Variants in DSCAM observed in about 807,000 individuals in gnomAD.
DSCAM encodes the protein cell adhesion molecule DSCAM.
A neutral mutation model predicts 217.7 loss-of-function variants in DSCAM; 47 were observed. The observed-to-expected ratio is 0.22, with a 90% confidence interval of 0.17 to 0.28. DSCAM has a LOEUF of 0.28. Among genes scored for constraint, DSCAM ranks in the 10% least tolerant of loss-of-function variants. DSCAM has a pLI of 1.00. For synonymous variants in DSCAM, 1,056 were observed against 1,015.3 expected, an observed-to-expected ratio of 1.04 and a Z score of -0.76; for missense variants, 2,080 against 2,618.3, an observed-to-expected ratio of 0.79 and a Z score of 4.49.
At chr21:40,163,131 A>T (rs532970253) in intron 16 of DSCAM, among the ~76,000 whole-genome samples, 1 of 151,528 alleles carries the variant, frequency 6.6e-6, no homozygotes, top group East Asian at 1.9e-4. Context: ...GTAGCTGGTA[A>T]TCACATTGTC....
At chr21:40,462,705 T>C (rs571759956) in intron 3 of DSCAM, among the ~76,000 whole-genome samples, 1 of 152,254 alleles carries the variant, frequency 6.6e-6, no homozygotes, top group South Asian at 2.1e-4. Context: ...ATACCTGGGT[T>C]CCATCCCTAG....
chr21:40,704,355 C>T (rs1469395752), intron 2 of DSCAM, among the ~76,000 whole-genome samples: 3 of 152,174 alleles, frequency 2.0e-5, no homozygotes, highest in Non-Finnish European at 4.4e-5. Context: ...CTTTTCATAG[C>T]TTGATAGCAC....
chr21:40,730,155 G>A (rs189949146), intron 1 of DSCAM, among the ~76,000 whole-genome samples: 93 of 152,200 alleles, frequency 6.1e-4, no homozygotes, highest in African/African-American at 2.2e-3. Context: ...AATGGGCTCC[G>A]AAGAGCCTCC....
intron 1 of DSCAM, among the ~76,000 whole-genome samples, chr21:40,840,966 T>C (rs1202947227): frequency 1.3e-5 from 2 of 152,194 alleles, no homozygotes; most frequent in East Asian, 3.9e-4. Flanking sequence ...CCATGTGCTC[T>C]GCTCTGTGCT....
chr21:40,540,779 T>C (rs931725857), intron 3 of DSCAM, among the ~76,000 whole-genome samples: 2 of 152,086 alleles, frequency 1.3e-5, no homozygotes, highest in African/African-American at 4.8e-5. Flanking sequence ...TCAACTTCAA[T>C]CCGTTTTTAA....
chr21:40,791,437 G>T (rs1026318235), intron 1 of DSCAM, among the ~76,000 whole-genome samples: 1 of 151,682 alleles, frequency 6.6e-6, no homozygotes, highest in Non-Finnish European at 1.5e-5. Context: ...GGCGGATCAC[G>T]AGGTCAGGAG....
intron 21 of DSCAM, among the ~76,000 whole-genome samples, chr21:40,090,919 C>T (rs1364137323): frequency 6.6e-6 from 1 of 152,180 alleles, no homozygotes; most frequent in Non-Finnish European, 1.5e-5. Context: ...TGGTCTTCTT[C>T]ATCAAGAAAT....
chr21:40,548,203 G>A (rs552178166), intron 3 of DSCAM, among the ~76,000 whole-genome samples: 11 of 152,166 alleles, frequency 7.2e-5, no homozygotes, highest in African/African-American at 1.9e-4. Context: ...ACAGCCACCC[G>A]AGGGCCTAGC....
At chr21:40,051,618 A>G (rs2146496695) in intron 30 of DSCAM, among the ~76,000 whole-genome samples, 1 of 152,320 alleles carries the variant, frequency 6.6e-6, no homozygotes, top group South Asian at 2.1e-4. Context: ...AACGTGCATG[A>G]CATCATCGTT....
intron 11 of DSCAM, among the ~76,000 whole-genome samples, chr21:40,214,595 T>C (rs534778281): frequency 6.6e-6 from 1 of 152,070 alleles, no homozygotes; most frequent in East Asian, 1.9e-4. Flanking sequence ...ACCGCTGTCT[T>C]TGGGAAACAC....
chr21:40,752,310 G>A (rs914849363), intron 1 of DSCAM, among the ~76,000 whole-genome samples: 1 of 152,078 alleles, frequency 6.6e-6, no homozygotes, highest in Non-Finnish European at 1.5e-5. Context: ...GAGCACAGCT[G>A]GGGCCCTCCC....
rs577516073 is a variant in DSCAM, at chr21:40,582,091, C to T, written c.508+110719G>A. ...AGTTTAGGATTATGGTCCTAAAGCCCAGTATTTAACGGTACCTGATTAAGC... is the reference window on the plus strand; with the variant it reads ...AGTTTAGGATTATGGTCCTAAAGCCTAGTATTTAACGGTACCTGATTAAGC... On this transcript the variant is annotated intron_variant, in intron 3 of 32. Coordinates refer to ENST00000400454, the MANE Select transcript of DSCAM (RefSeq NM_001389.5). Among the ~76,000 whole-genome samples the T allele has an allele frequency of 3.9e-5, 6 of 152,168 alleles. No individual in the cohort carries two copies. The East Asian group carries it at 1.2e-3, about 29-fold the overall frequency.
chr21:40,845,557 C>CTCTG, intron 1 of DSCAM, among the ~76,000 whole-genome samples: 1 of 151,448 alleles, frequency 6.6e-6, no homozygotes, highest in African/African-American at 2.4e-5. Context: ...CTCTCTCTCT[C>CTCTG]TCTCTCTCTC....
chr21:40,670,163 T>C (rs1396411937), intron 3 of DSCAM, among the ~76,000 whole-genome samples: 2 of 152,214 alleles, frequency 1.3e-5, no homozygotes, highest in Non-Finnish European at 2.9e-5. Context: ...TTTTTTAAGT[T>C]ATTTGTGGTA....
chr21:40,335,028 T>C (rs1040984893), intron 8 of DSCAM, among the ~76,000 whole-genome samples: 1 of 152,134 alleles, frequency 6.6e-6, no homozygotes, highest in South Asian at 2.1e-4. Flanking sequence ...CTCTCTGTTA[T>C]TCCTCAAGCT....
At chr21:40,299,951 G>A (rs1424764960) in intron 9 of DSCAM, among the ~76,000 whole-genome samples, 2 of 152,074 alleles carry the variant, frequency 1.3e-5, no homozygotes, top group East Asian at 3.9e-4. Context: ...ATGAAAGTGA[G>A]CATTTCCTGA....
chr21:40,457,238 A>G (rs973002863), intron 3 of DSCAM, among the ~76,000 whole-genome samples: 1 of 152,230 alleles, frequency 6.6e-6, no homozygotes, highest in East Asian at 1.9e-4. Flanking sequence ...CTGGCTGCGC[A>G]TGGTAGCTCA....
At chr21:40,219,065 T>C (rs1658421635) in intron 11 of DSCAM, among the ~76,000 whole-genome samples, 2 of 152,156 alleles carry the variant, frequency 1.3e-5, no homozygotes, top group Non-Finnish European at 2.9e-5. Flanking sequence ...GTTTTTAAGG[T>C]GAATGCTTCC....
intron 3 of DSCAM, among the ~76,000 whole-genome samples, chr21:40,547,777 A>G (rs1027040218): frequency 6.6e-6 from 1 of 152,176 alleles, no homozygotes; most frequent in Admixed American, 6.5e-5. Flanking sequence ...ACTGTCCTTC[A>G]AATGTGCCTC....
Sources: gnomAD v4.1 joint callset for allele counts (sites outside exome capture counted in the v4.1 genomes callset) on GRCh38, gnomAD v4.1.1 for gene constraint, MANE v1.5 for transcripts, NCBI Gene and HGNC (gene_info 2026-07-23, HGNC 2026-07-21) for gene names.